Variants in NSUN6 observed in about 807,000 individuals in gnomAD.
NSUN6 encodes NOP2/Sun RNA methyltransferase 6.
Under a neutral mutation model 58.0 loss-of-function variants are expected in NSUN6, and 64 were observed. That is an observed-to-expected ratio of 1.10 (90% CI 0.90 to 1.36). NSUN6 has a LOEUF of 1.36. Among genes scored for constraint, NSUN6 ranks in the 40% most tolerant of loss-of-function variants. The probability of loss-of-function intolerance (pLI) is 0.00; values close to 1 mark genes in which losing one functional copy is unlikely to be tolerated. For missense variants in NSUN6, 701 were observed against 550.1 expected (o/e 1.27, Z -2.74); for synonymous variants, 231 against 193.9 (o/e 1.19, Z -1.59).
In NSUN6 at chr10:18,548,195, T is replaced by C. The variant is rs754422533; in HGVS notation, c.1114A>G (p.Thr372Ala). The stretch of plus-strand genomic sequence containing the variant: ...TTTTCGGCCAGTGTTATAGTGCACG[T>C]GCTATAAACCAGCACACCCTCTGGC... ...LKPEGVLVYS[T>A]CTITLAENEE... is the part of the protein sequence containing the mutation. The change falls in exon 10 of 11, where the codon ACG becomes GCG. Residue 372 changes from threonine (T) to alanine (A), a missense_variant. Coordinates refer to ENST00000377304, the MANE Select transcript of NSUN6 (RefSeq NM_182543.5). The C allele has an allele frequency of 1.2e-5, 20 of 1,613,164 alleles. No homozygotes were observed. The highest frequency in any genetic ancestry group is 1.7e-5 in the Non-Finnish European group (20 of 1,179,388).
At chr10:18,645,305 A>G (rs2059514110) in intron 2 of NSUN6, among the ~76,000 whole-genome samples, 3 of 152,214 alleles carry the variant, frequency 2.0e-5, no homozygotes, top group South Asian at 4.1e-4. Flanking sequence ...GGTTTAATGT[A>G]TATAAACTGT....
chr10:18,572,411 C>A (rs2056419589), intron 8 of NSUN6, among the ~76,000 whole-genome samples: 1 of 151,048 alleles, frequency 6.6e-6, no homozygotes, highest in Admixed American at 6.6e-5. Context: ...AATCCATTGT[C>A]CATTCTATTC....
Position 18,626,064 on chromosome 10 carries a change from G to A in NSUN6, c.312-9771C>T, listed in dbSNP as rs2058791260. 2.6e-5 allele frequency among the ~76,000 whole-genome samples: 4 copies of A among 152,132 alleles called. No homozygotes were observed. In the South Asian group the frequency reaches 8.3e-4, roughly 31 times the overall value. On this transcript the variant is annotated intron_variant, in intron 3 of 10. Coordinates refer to ENST00000377304, the MANE Select transcript of NSUN6 (RefSeq NM_182543.5). ...ACGCAGTACGTAAGAGTCACACTTT[G>A]GGAAAGGGCAGGGGGTGCGGGAGAT...
intron 8 of NSUN6, among the ~76,000 whole-genome samples, chr10:18,567,796 T>G (rs1480325630): frequency 6.6e-6 from 1 of 150,802 alleles, no homozygotes. Flanking sequence ...CATTCTACAT[T>G]CTTCATTCCA....
intron 8 of NSUN6, among the ~76,000 whole-genome samples, chr10:18,553,993 T>C (rs1224215422): frequency 1.4e-5 from 2 of 146,108 alleles, no homozygotes; most frequent in African/African-American, 5.1e-5. Flanking sequence ...CAGAATGGAA[T>C]GGAGAATGTA....
intron 3 of NSUN6, among the ~76,000 whole-genome samples, chr10:18,634,515 G>A (rs1284448483): frequency 3.3e-5 from 5 of 151,922 alleles, no homozygotes; most frequent in Non-Finnish European, 5.9e-5. Flanking sequence ...ACTTTGGGAG[G>A]CTGAGGAGGG....
intron 8 of NSUN6, 22 bp from the exon 9 acceptor site, chr10:18,551,993 T>C (rs1412952466): frequency 2.0e-6 from 3 of 1,487,524 alleles, no homozygotes; most frequent in African/African-American, 1.4e-5. Flanking sequence ...ATTATAATCA[T>C]GTTTACTATC....
At chr10:18,557,778 A>AGAATGGAATGGATAATGGAAGG (rs2055156003) in intron 8 of NSUN6, among the ~76,000 whole-genome samples, 1 of 150,916 alleles carries the variant, frequency 6.6e-6, no homozygotes, top group South Asian at 2.1e-4. Context: ...AGAATGGAAC[A>AGAATGGAATGGATAATGGAAGG]GAATGGAATG....
chr10:18,583,412 G>A (rs761991434), intron 8 of NSUN6, among the ~76,000 whole-genome samples: 10 of 151,998 alleles, frequency 6.6e-5, no homozygotes, highest in Admixed American at 2.0e-4. Context: ...TCACACAGAC[G>A]CGGTTGACAG....
chr10:18,628,056 G>T (rs879633844), intron 3 of NSUN6, among the ~76,000 whole-genome samples: 2 of 152,218 alleles, frequency 1.3e-5, no homozygotes, highest in Non-Finnish European at 2.9e-5. Flanking sequence ...CGCAGCTGGA[G>T]ATCTGAGAAC....
At chr10:18,648,972 T>C (rs2059627488) in intron 1 of NSUN6, among the ~76,000 whole-genome samples, 1 of 152,226 alleles carries the variant, frequency 6.6e-6, no homozygotes, top group South Asian at 2.1e-4. Flanking sequence ...TCAGTCTATT[T>C]ATAATGCATT....
chr10:18,592,160 C>G (rs905838859), intron 7 of NSUN6, among the ~76,000 whole-genome samples: 9 of 152,108 alleles, frequency 5.9e-5, no homozygotes, highest in African/African-American at 2.2e-4. Context: ...ATGCAACTTA[C>G]AAGGGACATG....
chr10:18,583,125 G>T (rs1452246053), intron 8 of NSUN6, among the ~76,000 whole-genome samples: 1 of 152,134 alleles, frequency 6.6e-6, no homozygotes, highest in African/African-American at 2.4e-5. Flanking sequence ...TTACTATTGT[G>T]ACGTGTCCCT....
At position 18,642,350 on chromosome 10, in the gene NSUN6, T is replaced by C. The variant is rs1180007513; in HGVS notation, c.311+126A>G. 6.7e-6 allele frequency: 4 copies of C among 594,696 alleles called. No homozygotes were observed. The African/African-American group carries it at 7.6e-5, about 11-fold the overall frequency. The allele number at this position is 594,696 out of a possible 1,614,324, so 36.8% of individuals were successfully genotyped here. ...AAGTCTGCATTTATGAAGTTTTGAA[T>C]TCCTGTTATCTATAGAAAGTTGCTA... is the stretch of plus-strand genomic sequence containing the variant. On this transcript the variant is annotated intron_variant, in intron 3 of 10. Transcript: ENST00000377304.
chr10:18,649,608 A>G (rs546748884), intron 1 of NSUN6, among the ~76,000 whole-genome samples: 1 of 151,388 alleles, frequency 6.6e-6, no homozygotes, highest in East Asian at 1.9e-4. Flanking sequence ...AACATGGGCA[A>G]CAGAGGGAGA....
rs1306004281 is a variant in NSUN6 at position 18,555,966 on chromosome 10, G to A, written c.923-3995C>T. Among the ~76,000 whole-genome samples, 4 of 150,106 alleles carry A rather than the reference G, an allele frequency of 2.7e-5. No homozygotes were observed. The Admixed American group carries it at 2.7e-4, about 10-fold the overall frequency. ...AGGGAATGGAATGGAAAATGGTATG[G>A]AATGGAGAATTAAATAGAATGGATA... On this transcript the variant is annotated intron_variant, in intron 8 of 10. Transcript: ENST00000377304.
At chr10:18,602,212 A>G (rs1312216011) in intron 6 of NSUN6, among the ~76,000 whole-genome samples, 1 of 147,056 alleles carries the variant, frequency 6.8e-6, no homozygotes, top group East Asian at 2.1e-4. Flanking sequence ...ACAGGCATGC[A>G]CCACCACACC....
intron 3 of NSUN6, among the ~76,000 whole-genome samples, chr10:18,624,595 G>T (rs1204005996): frequency 7.5e-6 from 1 of 133,350 alleles, no homozygotes; most frequent in Non-Finnish European, 1.5e-5. Flanking sequence ...AGCTTGCAGT[G>T]AGAGCTCCTG....
chr10:18,558,533 AGAATG>A (rs75663769), intron 8 of NSUN6, among the ~76,000 whole-genome samples: 51,601 of 149,960 alleles, frequency 0.34, 9,280 homozygotes, highest in East Asian at 0.73. Flanking sequence ...AATGGAACGG[AGAATG>A]GAATGGAATG....
Sources: gnomAD v4.1 joint callset for allele counts (sites outside exome capture counted in the v4.1 genomes callset) on GRCh38, gnomAD v4.1.1 for gene constraint, MANE v1.5 for transcripts, NCBI Gene and HGNC (gene_info 2026-07-23, HGNC 2026-07-21) for gene names.